TTC28: variants seen among roughly 807,000 people sequenced by gnomAD.
The protein encoded by TTC28 is tetratricopeptide repeat protein 28.
A neutral mutation model predicts 198.0 loss-of-function variants in TTC28; 61 were observed. The ratio of observed to expected loss-of-function variants is 0.31; its 90% confidence interval spans 0.25 to 0.38. TTC28 has a LOEUF of 0.38. TTC28 is among the 10% of genes least tolerant of loss of function. The pLI is 1.00. For synonymous variants in TTC28, 1,171 were observed against 1,297.8 expected (o/e 0.90, Z 2.10); for missense variants, 2,678 against 3,164.0 (o/e 0.85, Z 3.69).
At chr22:28,055,894 T>C (rs1940268780) in intron 12 of TTC28, among the ~76,000 whole-genome samples, 3 of 152,182 alleles carry the variant, frequency 2.0e-5, no homozygotes. Flanking sequence ...AATGTGTTTA[T>C]TGTATAGCCT....
chr22:28,396,420 G>A (rs2046817226), intron 2 of TTC28, among the ~76,000 whole-genome samples: 1 of 152,204 alleles, frequency 6.6e-6, no homozygotes, highest in African/African-American at 2.4e-5. Flanking sequence ...TTGTAATTCT[G>A]AGTAATCAGT....
At chr22:28,037,618 T>A (rs970215461) in intron 12 of TTC28, among the ~76,000 whole-genome samples, 16 of 152,204 alleles carry the variant, frequency 1.1e-4, no homozygotes, top group African/African-American at 4.8e-5. Flanking sequence ...AAGACAGGGA[T>A]GCCCTCTCTC....
At chr22:28,586,682 C>T (rs1448805591) in intron 2 of TTC28, among the ~76,000 whole-genome samples, 1 of 152,122 alleles carries the variant, frequency 6.6e-6, no homozygotes, top group South Asian at 2.1e-4. Context: ...CAGGAATGAA[C>T]CTCATACCTG....
At chr22:28,080,531 T>TTTGTTG (rs144270652) in intron 12 of TTC28, among the ~76,000 whole-genome samples, 22 of 152,008 alleles carry the variant, frequency 1.4e-4, no homozygotes, top group East Asian at 1.4e-3. Flanking sequence ...TAAATTGGAT[T>TTTGTTG]TTGTTGTTGT....
intron 15 of TTC28, chr22:27,999,691 C>G (rs1210381965): frequency 6.0e-6 from 1 of 165,766 alleles, no homozygotes; most frequent in Non-Finnish European, 1.3e-5. Context: ...TGCAAACAAG[C>G]AAGCCAATCT....
intron 2 of TTC28, among the ~76,000 whole-genome samples, chr22:28,467,960 G>A (rs1027461304): frequency 7.3e-5 from 11 of 151,716 alleles, no homozygotes; most frequent in African/African-American, 1.9e-4. Context: ...TCGTAAAGAC[G>A]GGTTCTCACT....
chr22:28,243,174 CAAAAAA>C (rs754700795), intron 5 of TTC28, among the ~76,000 whole-genome samples: 72 of 68,294 alleles, frequency 1.1e-3, no homozygotes, highest in Non-Finnish European at 1.2e-3. Flanking sequence ...CCCCTCTCTA[CAAAAAA>C]AAAAAAAAAA....
chr22:28,161,748 C>CAGGAA (rs1268182802), intron 6 of TTC28, among the ~76,000 whole-genome samples: 7 of 126,846 alleles, frequency 5.5e-5, no homozygotes, highest in Non-Finnish European at 9.5e-5. Context: ...CAGGACAGGA[C>CAGGAA]AGGACAGGAA....
At chr22:28,540,178 C>A (rs909366284) in intron 2 of TTC28, among the ~76,000 whole-genome samples, 1 of 151,964 alleles carries the variant, frequency 6.6e-6, no homozygotes, top group African/African-American at 2.4e-5. Context: ...TATCTCCTGA[C>A]CTCATGATCC....
At chr22:28,329,382 C>T (rs1301623773) in intron 2 of TTC28, among the ~76,000 whole-genome samples, 1 of 152,142 alleles carries the variant, frequency 6.6e-6, no homozygotes, top group Non-Finnish European at 1.5e-5. Context: ...TAAATAGTCA[C>T]ATCATACTGC....
intron 8 of TTC28, among the ~76,000 whole-genome samples, chr22:28,102,660 G>C (rs9625405): frequency 6.6e-6 from 1 of 152,136 alleles, no homozygotes; most frequent in Non-Finnish European, 1.5e-5. Context: ...GTAGATGGAA[G>C]CCTGCCTCTG....
chr22:28,116,930 G>A (rs1942647641), intron 6 of TTC28, among the ~76,000 whole-genome samples: 1 of 152,192 alleles, frequency 6.6e-6, no homozygotes, highest in Non-Finnish European at 1.5e-5. Flanking sequence ...TCTTCTGCCT[G>A]TGAGTATCCT....
Position 28,105,553 on chromosome 22 carries a change from C to T in TTC28, c.3033G>A (p.Gly1011=). Residue 1011 remains glycine (G), a synonymous_variant, in exon 8 of 23, where the codon GGG becomes GGA. Transcript: ENST00000397906. Reference sequence around the variant, plus strand: ...GGTACTGCAGGGCTGTGTCATACTCCCCCATCTGCTGGTAAACGCCCCCCA... The same window carrying T: ...GGTACTGCAGGGCTGTGTCATACTCTCCCATCTGCTGGTAAACGCCCCCCA... ...CGLGGVYQQM[G]EYDTALQYHQ... is the part of the protein sequence containing the mutation. 6.4e-7 allele frequency: 1 copy of T among 1,551,702 alleles called. No individual in the cohort carries two copies. The highest frequency in any genetic ancestry group is 8.7e-7 in the Non-Finnish European group (1 of 1,147,000).
At chr22:28,574,181 CTT>C (rs967750380) in intron 2 of TTC28, among the ~76,000 whole-genome samples, 8 of 151,944 alleles carry the variant, frequency 5.3e-5, no homozygotes, top group African/African-American at 1.9e-4. Flanking sequence ...ACCCAGCTAA[CTT>C]TTGTATTTTT....
intron 5 of TTC28, among the ~76,000 whole-genome samples, chr22:28,282,742 T>C (rs1382157152): frequency 6.6e-6 from 1 of 152,168 alleles, no homozygotes; most frequent in African/African-American, 2.4e-5. Flanking sequence ...CTCAAGTTGC[T>C]TCTACTCTAC....
chr22:28,334,985 T>G (rs2045685291), intron 2 of TTC28, among the ~76,000 whole-genome samples: 1 of 152,232 alleles, frequency 6.6e-6, no homozygotes, highest in African/African-American at 2.4e-5. Context: ...TTTATGGTTT[T>G]AGGTCTAATA....
intron 12 of TTC28, among the ~76,000 whole-genome samples, chr22:28,071,068 C>T (rs1475185617): frequency 1.3e-5 from 2 of 151,974 alleles, no homozygotes; most frequent in African/African-American, 4.8e-5. Context: ...GAGTGCTGGA[C>T]ATCTGGGGGC....
chr22:28,300,864 A>G (rs2045007004), intron 3 of TTC28, among the ~76,000 whole-genome samples: 1 of 152,224 alleles, frequency 6.6e-6, no homozygotes, highest in Admixed American at 6.5e-5. Flanking sequence ...AAGGAAGTTG[A>G]TGTGAAATAA....
At chr22:28,541,239 T>C (rs992959077) in intron 2 of TTC28, among the ~76,000 whole-genome samples, 9 of 152,206 alleles carry the variant, frequency 5.9e-5, no homozygotes, top group Admixed American at 3.3e-4. Flanking sequence ...AAACGTGTGA[T>C]GCCTGAGAGA....
Sources: gnomAD v4.1 joint callset for allele counts (sites outside exome capture counted in the v4.1 genomes callset) on GRCh38, gnomAD v4.1.1 for gene constraint, MANE v1.5 for transcripts, NCBI Gene and HGNC (gene_info 2026-07-23, HGNC 2026-07-21) for gene names.